Variants in ZBTB7C observed in about 807,000 individuals in gnomAD.
ZBTB7C encodes the protein zinc finger and BTB domain-containing protein 7C.
A neutral mutation model predicts 25.7 loss-of-function variants in ZBTB7C; 8 were observed. The observed-to-expected ratio is 0.31, with a 90% CI of 0.18 to 0.56. The LOEUF (loss-of-function observed/expected upper bound fraction) is 0.56. Ranked by LOEUF, ZBTB7C falls within the 20% of genes least tolerant of loss-of-function variation. ZBTB7C has a pLI of 0.91. For missense variants in ZBTB7C, 824 were observed against 855.2 expected, an observed-to-expected ratio of 0.96 and a Z score of 0.46; for synonymous variants, 394 against 369.0, an observed-to-expected ratio of 1.07 and a Z score of -0.78.
chr18:48,377,909 C>A (rs772592958), intron 1 of ZBTB7C, among the ~76,000 whole-genome samples: 1 of 152,142 alleles, frequency 6.6e-6, no homozygotes, highest in African/African-American at 2.4e-5. Flanking sequence ...CGGTGGCTCA[C>A]GCCTGTAATC....
chr18:48,331,209 G>A (rs892445262), intron 2 of ZBTB7C, among the ~76,000 whole-genome samples: 1 of 152,186 alleles, frequency 6.6e-6, no homozygotes, highest in Non-Finnish European at 1.5e-5. Flanking sequence ...GCACCTTGCA[G>A]ACAGAGCCAT....
chr18:48,210,292 T>A (rs1371401485), intron 2 of ZBTB7C, among the ~76,000 whole-genome samples: 1 of 152,200 alleles, frequency 6.6e-6, no homozygotes, highest in African/African-American at 2.4e-5. Context: ...AGAGTTACCA[T>A]ATGATCCAGA....
intron 3 of ZBTB7C, among the ~76,000 whole-genome samples, chr18:48,161,555 C>T (rs1030728751): frequency 2.6e-5 from 4 of 152,100 alleles, no homozygotes; most frequent in Non-Finnish European, 4.4e-5. Context: ...CCTTTCTCTC[C>T]CTGCCGGCCC....
At chr18:48,110,818 G>T (rs1215379759) in intron 3 of ZBTB7C, among the ~76,000 whole-genome samples, 1 of 152,184 alleles carries the variant, frequency 6.6e-6, no homozygotes, top group Admixed American at 6.5e-5. Flanking sequence ...CCAGGAGGGG[G>T]TTCAGGATGA....
chr18:48,386,697 C>T (rs7243063), intron 1 of ZBTB7C, among the ~76,000 whole-genome samples: 119,344 of 152,240 alleles, frequency 0.78, 46,993 homozygotes, highest in East Asian at 0.94. Context: ...CACATTGCCC[C>T]GTCTCTGCAA....
intron 2 of ZBTB7C, among the ~76,000 whole-genome samples, chr18:48,284,899 G>A (rs1443910790): frequency 6.6e-6 from 1 of 151,694 alleles, no homozygotes; most frequent in Non-Finnish European, 1.5e-5. Context: ...CCTTGCTCTT[G>A]TCCAGCATGG....
chr18:48,205,870 C>T (rs900015414), intron 2 of ZBTB7C, among the ~76,000 whole-genome samples: 1 of 152,136 alleles, frequency 6.6e-6, no homozygotes, highest in Admixed American at 6.5e-5. Flanking sequence ...AGGTTGTTCC[C>T]CACACTACCC....
chr18:48,265,825 C>T lies in ZBTB7C; in HGVS notation c.-79+72349G>A, dbSNP rs560095030. The stretch of plus-strand genomic sequence containing the variant: ...CTCACAGACTGCAGGAGACTAAAGA[C>T]GCGTGTCAACTTGCTGTACCATGTG... On this transcript the variant is annotated intron_variant, in intron 2 of 4. Transcript: ENST00000590800. 9.2e-5 allele frequency among the ~76,000 whole-genome samples: 14 copies of T among 152,280 alleles called. No individual in the cohort carries two copies. In the South Asian group the frequency reaches 1.5e-3, roughly 16 times the overall value.
At chr18:48,293,192 GA>G (rs1261111772) in intron 2 of ZBTB7C, among the ~76,000 whole-genome samples, 4 of 152,304 alleles carry the variant, frequency 2.6e-5, no homozygotes, top group Admixed American at 2.6e-4. Flanking sequence ...TCCCAGTTCT[GA>G]AGGCTGGGAA....
intron 2 of ZBTB7C, among the ~76,000 whole-genome samples, chr18:48,300,433 T>C (rs978784371): frequency 3.3e-5 from 5 of 152,160 alleles, no homozygotes; most frequent in Non-Finnish European, 5.9e-5. Flanking sequence ...GTGGAAACCA[T>C]ATGCTGGTGG....
chr18:48,391,822 G>A (rs1434813560), intron 1 of ZBTB7C, among the ~76,000 whole-genome samples: 1 of 152,172 alleles, frequency 6.6e-6, no homozygotes, highest in East Asian at 1.9e-4. Context: ...CTAGGGCCTC[G>A]CTTGGAGAAC....
At chr18:48,052,699 G>T (rs140105123) in intron 3 of ZBTB7C, among the ~76,000 whole-genome samples, 1 of 151,918 alleles carries the variant, frequency 6.6e-6, no homozygotes, top group African/African-American at 2.4e-5. Flanking sequence ...TCTGGGGGAG[G>T]AATTATAGTT....
chr18:48,375,323 G>A (rs1330697516), intron 1 of ZBTB7C, among the ~76,000 whole-genome samples: 1 of 152,200 alleles, frequency 6.6e-6, no homozygotes, highest in Admixed American at 6.5e-5. Flanking sequence ...ACTCCTGGAA[G>A]CATGAGATCG....
intron 3 of ZBTB7C, among the ~76,000 whole-genome samples, chr18:48,079,200 G>A (rs985804646): frequency 5.3e-5 from 8 of 152,162 alleles, no homozygotes; most frequent in Non-Finnish European, 1.0e-4. Context: ...TCATACATGC[G>A]TCACGATATG....
intron 1 of ZBTB7C, among the ~76,000 whole-genome samples, chr18:48,338,766 T>C (rs376187987): frequency 5.9e-5 from 9 of 152,328 alleles, no homozygotes; most frequent in African/African-American, 2.2e-4. Context: ...CTCACGCTGT[T>C]CCATCACCCC....
intron 1 of ZBTB7C, among the ~76,000 whole-genome samples, chr18:48,375,207 G>C (rs2047490840): frequency 6.6e-6 from 1 of 152,238 alleles, no homozygotes; most frequent in Non-Finnish European, 1.5e-5. Flanking sequence ...CTGCAAAGCA[G>C]AGCTACTTCC....
chr18:48,207,475 C>T lies in ZBTB7C; in HGVS notation c.-78-21480G>A, dbSNP rs1323396329. ...TAGTTACTGCATGAATACTATATAG[C>T]TACAAAAAAGAATAAACTTCTGAAT... On this transcript the variant is annotated intron_variant, in intron 2 of 4. Coordinates refer to ENST00000590800, the MANE Select transcript of ZBTB7C (RefSeq NM_001318841.2). Among the ~76,000 whole-genome samples the T allele has an allele frequency of 2.0e-5, 3 of 152,090 alleles. No individual in the cohort carries two copies. In the South Asian group the frequency reaches 6.2e-4, roughly 32 times the overall value.
intron 1 of ZBTB7C, among the ~76,000 whole-genome samples, chr18:48,381,982 A>C (rs549267001): frequency 6.6e-6 from 1 of 152,258 alleles, no homozygotes; most frequent in African/African-American, 2.4e-5. Context: ...CTCCATAGGA[A>C]TGAAAGTCAT....
chr18:48,388,009 T>C (rs1415432445), intron 1 of ZBTB7C, among the ~76,000 whole-genome samples: 1 of 152,256 alleles, frequency 6.6e-6, no homozygotes, highest in East Asian at 1.9e-4. Flanking sequence ...GTAGTTTTTG[T>C]AGAAATGAGG....
Sources: gnomAD v4.1 joint callset for allele counts (sites outside exome capture counted in the v4.1 genomes callset) on GRCh38, gnomAD v4.1.1 for gene constraint, MANE v1.5 for transcripts, NCBI Gene and HGNC (gene_info 2026-07-23, HGNC 2026-07-21) for gene names.